The following STIM2 variants were observed in gnomAD, a reference collection of about 807,000 sequenced individuals.
The protein encoded by STIM2 is stromal interaction molecule 2.
A neutral mutation model predicts 85.8 loss-of-function variants in STIM2; 31 were observed. The observed-to-expected ratio is 0.36, with a 90% confidence interval of 0.27 to 0.49. The LOEUF is 0.49. Ranked by LOEUF, STIM2 falls within the 20% of genes least tolerant of loss-of-function variation. The pLI is 0.98. For missense variants in STIM2, 841 were observed against 927.6 expected (o/e 0.91, Z 1.21); for synonymous variants, 356 against 331.1 (o/e 1.08, Z -0.82).
At chr4:26,913,382 C>G (rs550711160) in intron 1 of STIM2, among the ~76,000 whole-genome samples, 1 of 152,204 alleles carries the variant, frequency 6.6e-6, no homozygotes, top group Admixed American at 6.5e-5. Flanking sequence ...AGTTTTCACT[C>G]TATCACGAGA....
chr4:26,938,398 T>A (rs1180103582), intron 2 of STIM2, among the ~76,000 whole-genome samples: 1 of 152,238 alleles, frequency 6.6e-6, no homozygotes, highest in Non-Finnish European at 1.5e-5. Flanking sequence ...CTAGTTACTA[T>A]AGTTAATAAT....
At chr4:26,905,656 AG>A (rs1175356978) in intron 1 of STIM2, among the ~76,000 whole-genome samples, 1 of 152,232 alleles carries the variant, frequency 6.6e-6, no homozygotes, top group Middle Eastern at 3.2e-3. Context: ...AAAATTTTGT[AG>A]CATAATTAAC....
chr4:26,966,496 C>T (rs1726723330), intron 3 of STIM2, among the ~76,000 whole-genome samples: 1 of 152,108 alleles, frequency 6.6e-6, no homozygotes, highest in Non-Finnish European at 1.5e-5. Context: ...GTTTCTTTCT[C>T]AGACAAGTCT....
intron 2 of STIM2, among the ~76,000 whole-genome samples, chr4:26,939,802 AGTTCTC>A (rs570943568): frequency 3.9e-5 from 6 of 152,282 alleles, no homozygotes; most frequent in African/African-American, 1.4e-4. Context: ...AAGATTTTGA[AGTTCTC>A]GTTTATATAT....
intron 1 of STIM2, among the ~76,000 whole-genome samples, chr4:26,898,905 C>G (rs1723807085): frequency 1.3e-5 from 2 of 151,354 alleles, no homozygotes; most frequent in African/African-American, 4.8e-5. Flanking sequence ...TTTCTAAATT[C>G]TTGTTAATTT....
intron 1 of STIM2, among the ~76,000 whole-genome samples, chr4:26,908,676 G>A (rs140117702): frequency 7.9e-5 from 12 of 152,262 alleles, no homozygotes; most frequent in African/African-American, 2.9e-4. Context: ...TAGAGACAGA[G>A]TTTCACCATG....
intron 1 of STIM2, among the ~76,000 whole-genome samples, chr4:26,915,380 G>T (rs577146082): frequency 3.3e-5 from 5 of 152,224 alleles, no homozygotes; most frequent in African/African-American, 1.2e-4. Context: ...GACTACAGGA[G>T]CATGCCACTA....
chr4:27,018,703 A>G (rs534445128), intron 11 of STIM2, among the ~76,000 whole-genome samples: 2 of 152,326 alleles, frequency 1.3e-5, no homozygotes, highest in East Asian at 3.9e-4. Flanking sequence ...ATATTTTGAG[A>G]TGTAACTGCT....
At chr4:26,887,476 T>C (rs928100038) in intron 1 of STIM2, among the ~76,000 whole-genome samples, 2 of 152,166 alleles carry the variant, frequency 1.3e-5, no homozygotes, top group Non-Finnish European at 2.9e-5. Context: ...CCTCAGATAC[T>C]TTGGGTGGTT....
rs1370134347 is a variant in STIM2, at chr4:27,019,537, A to G, written c.1763+1553A>G. ...TGATGGAACGTTCAGTTCTCATTTCAATAGCAATGTCAAAGTTTCATAGCT... is the reference window on the plus strand; with the variant it reads ...TGATGGAACGTTCAGTTCTCATTTCGATAGCAATGTCAAAGTTTCATAGCT... On this transcript the variant is annotated intron_variant, in intron 11 of 11. Coordinates refer to ENST00000467087, the MANE Select transcript of STIM2 (RefSeq NM_020860.4). 6 of 1,244,604 alleles carry G rather than the reference A, an allele frequency of 4.8e-6. No homozygotes were observed. In the Admixed American group the frequency reaches 1.2e-4, roughly 24 times the overall value. The allele number at this position is 1,244,604 out of a possible 1,614,324, so 77.1% of individuals were successfully genotyped here.
chr4:26,997,739 C>CAGAG (rs1728010211), intron 4 of STIM2, among the ~76,000 whole-genome samples: 1 of 152,194 alleles, frequency 6.6e-6, no homozygotes, highest in Non-Finnish European at 1.5e-5. Flanking sequence ...AGAGATACGA[C>CAGAG]ATAGTCTTTG....
chr4:26,876,461 T>C (rs1374179839), intron 1 of STIM2, among the ~76,000 whole-genome samples: 1 of 152,220 alleles, frequency 6.6e-6, no homozygotes, highest in African/African-American at 2.4e-5. Flanking sequence ...TGCCTTGCTT[T>C]ACTCTTATCA....
At chr4:27,013,259 G>A (rs1728619665) in intron 10 of STIM2, among the ~76,000 whole-genome samples, 1 of 151,260 alleles carries the variant, frequency 6.6e-6, no homozygotes. Context: ...TCGAGGTGGG[G>A]GTGGGGGGAA....
At chr4:26,966,813 G>T (rs7693687) in intron 3 of STIM2, among the ~76,000 whole-genome samples, 1 of 151,774 alleles carries the variant, frequency 6.6e-6, no homozygotes, top group African/African-American at 2.4e-5. Flanking sequence ...ATTAAAAACC[G>T]TTTCAATCTC....
intron 11 of STIM2, 79 bp from the exon 12 acceptor site, chr4:27,022,437 AGTT>A: frequency 1.8e-6 from 2 of 1,130,976 alleles, no homozygotes; most frequent in Non-Finnish European, 2.5e-6. Flanking sequence ...AAGCAATGAA[AGTT>A]GTTTTAGTTA....
At chr4:26,970,287 G>A (rs928164079) in intron 3 of STIM2, among the ~76,000 whole-genome samples, 1 of 148,822 alleles carries the variant, frequency 6.7e-6, no homozygotes, top group African/African-American at 2.5e-5. Flanking sequence ...TAGGGTACAC[G>A]TGCACAACGT....
At chr4:26,968,335 A>G (rs550309296) in intron 3 of STIM2, among the ~76,000 whole-genome samples, 1 of 152,326 alleles carries the variant, frequency 6.6e-6, no homozygotes, top group Admixed American at 6.5e-5. Flanking sequence ...TGGAATATGC[A>G]TACAATGGAA....
chr4:26,986,972 G>T lies in STIM2; in HGVS notation c.398-8407G>T, dbSNP rs571579171. 2.6e-5 allele frequency among the ~76,000 whole-genome samples: 4 copies of T among 152,294 alleles called. No individual in the cohort carries two copies. In the South Asian group the frequency reaches 8.3e-4, roughly 32 times the overall value. ...TATAAGCAAACAGTTACAAAGTAAG[G>T]CAGCCCATATGATGTGCCATTTTGT... is the stretch of plus-strand genomic sequence containing the variant. On this transcript the variant is annotated intron_variant, in intron 3 of 11. Coordinates refer to ENST00000467087, the MANE Select transcript of STIM2 (RefSeq NM_020860.4).
intron 7 of STIM2, 90 bp downstream of exon 7, chr4:27,003,194 T>A: frequency 8.0e-7 from 1 of 1,242,920 alleles, no homozygotes. Context: ...TTTCCTACAT[T>A]TAGTTCCACT....
Sources: allele counts gnomAD v4.1 joint callset (sites outside exome capture counted in the v4.1 genomes callset), GRCh38; gene constraint gnomAD v4.1.1; transcripts MANE v1.5; gene names NCBI Gene and HGNC (gene_info 2026-07-23, HGNC 2026-07-21).